The following GRAMD1B variants were observed in gnomAD, a reference collection of about 807,000 sequenced individuals.
The protein encoded by GRAMD1B is GRAM domain containing 1B.
A neutral mutation model predicts 99.7 loss-of-function variants in GRAMD1B; 37 were observed. The observed-to-expected ratio is 0.37, with a 90% confidence interval of 0.29 to 0.49. The LOEUF is 0.49. GRAMD1B is among the 20% of genes least tolerant of loss of function. The pLI, the probability that GRAMD1B is intolerant of heterozygous loss-of-function variation, is 0.98. For missense variants in GRAMD1B, 888 were observed against 1,009.2 expected, an observed-to-expected ratio of 0.88 and a Z score of 1.63; for synonymous variants, 427 against 387.6, an observed-to-expected ratio of 1.10 and a Z score of -1.19.
At chr11:123,562,625 G>A (rs778817029) in intron 2 of GRAMD1B, among the ~76,000 whole-genome samples, 4 of 152,132 alleles carry the variant, frequency 2.6e-5, no homozygotes, top group Admixed American at 6.5e-5. Context: ...CTATTCTTGC[G>A]TCCAGATAAC....
intron 1 of GRAMD1B, among the ~76,000 whole-genome samples, chr11:123,468,133 A>T (rs1950798892): frequency 6.6e-6 from 1 of 152,082 alleles, no homozygotes; most frequent in South Asian, 2.1e-4. Flanking sequence ...AAGTGCTGGG[A>T]TTACAGGTGT....
At position 123,619,486 on chromosome 11, in the gene GRAMD1B, G is replaced by A. The variant is rs1954856077; in HGVS notation, c.2544+262G>A. Reference sequence around the variant, plus strand: ...GAAAGCTGTAGTTTAGGTGGAAGGAGAACTCTTTTTATTTTTATTTTTGGT... The same window carrying A: ...GAAAGCTGTAGTTTAGGTGGAAGGAAAACTCTTTTTATTTTTATTTTTGGT... On this transcript the variant is annotated intron_variant, in intron 19 of 19. Coordinates refer to ENST00000635736, the MANE Select transcript of GRAMD1B (RefSeq NM_001387025.1). 6.4e-6 allele frequency: 8 copies of A among 1,257,982 alleles called. No homozygotes were observed. In the South Asian group the frequency reaches 1.1e-4, roughly 17 times the overall value. 77.9% of individuals were successfully genotyped at this position (1,257,982 alleles called of 1,614,324 possible). A position where few individuals can be genotyped will look rare whatever the true frequency, so the allele number is the denominator to read the frequency against.
At chr11:123,553,877 T>C (rs1945880560) in intron 2 of GRAMD1B, among the ~76,000 whole-genome samples, 2 of 152,226 alleles carry the variant, frequency 1.3e-5, no homozygotes, top group African/African-American at 4.8e-5. Context: ...AACTCGTTTA[T>C]AATTCAAGGA....
intron 15 of GRAMD1B, 172 bp downstream of exon 15, chr11:123,613,036 T>G: frequency 1.7e-6 from 1 of 597,602 alleles, no homozygotes; most frequent in Non-Finnish European, 3.0e-6. Flanking sequence ...TTGGCATGTA[T>G]GTGGACAAGT....
intron 17 of GRAMD1B, among the ~76,000 whole-genome samples, chr11:123,617,764 G>A (rs1300401579): frequency 1.3e-5 from 2 of 152,158 alleles, no homozygotes; most frequent in Admixed American, 6.6e-5. Context: ...CCATGATGAT[G>A]TCTTCATCTC....
At chr11:123,477,627 C>A (rs184489607) in intron 1 of GRAMD1B, among the ~76,000 whole-genome samples, 1 of 131,666 alleles carries the variant, frequency 7.6e-6, no homozygotes, top group African/African-American at 2.8e-5. Context: ...CCCTCTCTCT[C>A]CCCTCCCCTC....
At chr11:123,611,941 G>A (rs1291416402) in intron 14 of GRAMD1B, among the ~76,000 whole-genome samples, 1 of 152,196 alleles carries the variant, frequency 6.6e-6, no homozygotes, top group African/African-American at 2.4e-5. Flanking sequence ...CAGGGCTGCT[G>A]CATAGGAGAG....
intron 1 of GRAMD1B, among the ~76,000 whole-genome samples, chr11:123,437,931 G>A (rs1949237868): frequency 6.6e-6 from 1 of 152,192 alleles, no homozygotes; most frequent in Admixed American, 6.5e-5. Context: ...TCCGCTCTGT[G>A]TGTGCCCTGC....
Position 123,618,721 on chromosome 11 carries a change from A to G in GRAMD1B, c.2347A>G (p.Met783Val). The change falls in exon 18 of 20, where the codon ATG becomes GTG. Residue 783 changes from methionine to valine, a missense_variant. Around this residue, in one of 5 missense-constraint regions of GRAMD1B, gnomAD observed 232 missense variants for 261.7 expected, o/e 0.89. Coordinates refer to ENST00000635736, the MANE Select transcript of GRAMD1B (RefSeq NM_001387025.1). ...VLVLLVILNM[M>V]LFYKLWMLEY... ...GGTGCTGCTGGTCATCCTTAACATG[A>G]TGCTCTTCTACAAACTCTGGATGTT... 1 of 1,585,280 alleles carries G rather than the reference A, an allele frequency of 6.3e-7. No homozygotes were observed.
At chr11:123,584,268 C>T (rs762229333) in intron 3 of GRAMD1B, 44 bp from the exon 4 acceptor site, 1 of 895,276 alleles carries the variant, frequency 1.1e-6, no homozygotes, top group Non-Finnish European at 1.6e-6. Context: ...CCCCCCATTT[C>T]TTCCCTGACT....
intron 2 of GRAMD1B, among the ~76,000 whole-genome samples, chr11:123,484,049 T>A (rs548074455): frequency 3.8e-4 from 58 of 152,254 alleles, no homozygotes; most frequent in African/African-American, 1.4e-3. Context: ...TGGAGTACCC[T>A]CCACTCTCTG....
chr11:123,505,830 C>G (rs954023885), intron 2 of GRAMD1B, among the ~76,000 whole-genome samples: 2 of 152,168 alleles, frequency 1.3e-5, no homozygotes, highest in African/African-American at 4.8e-5. Context: ...TTCACTCTCT[C>G]TCTCTTTCTT....
Position 123,375,216 on chromosome 11 carries a change from C to T in GRAMD1B, c.-176+16417C>T, listed in dbSNP as rs117889568. 1.5e-3 allele frequency among the ~76,000 whole-genome samples: 225 copies of T among 152,258 alleles called. 3 individuals carry two copies. Among genetic ancestry groups the T allele is most frequent in the Non-Finnish European group, 2.3e-3 (157 of 68,018 alleles). On this transcript the variant is annotated intron_variant, in intron 1 of 20. Coordinates refer to the GRAMD1B transcript ENST00000638157. Reference sequence around the variant, plus strand: ...TGGTTTGCAGATCTGGGGTTCAAATCTAGGTCTGATTTCAGAGCCCGAGCT... The same window carrying T: ...TGGTTTGCAGATCTGGGGTTCAAATTTAGGTCTGATTTCAGAGCCCGAGCT...
intron 2 of GRAMD1B, among the ~76,000 whole-genome samples, chr11:123,500,386 G>A (rs1939730477): frequency 6.6e-6 from 1 of 152,116 alleles, no homozygotes; most frequent in Admixed American, 6.5e-5. Context: ...AGACTCAAGA[G>A]GTCCAGTGCG....
intron 2 of GRAMD1B, among the ~76,000 whole-genome samples, chr11:123,529,548 G>A (rs530763876): frequency 6.6e-6 from 1 of 152,320 alleles, no homozygotes; most frequent in African/African-American, 2.4e-5. Context: ...AACTTGGTGA[G>A]CAAGGTAAGG....
At chr11:123,560,086 G>A (rs1335608190) in intron 2 of GRAMD1B, among the ~76,000 whole-genome samples, 2 of 142,184 alleles carry the variant, frequency 1.4e-5, no homozygotes, top group Non-Finnish European at 3.1e-5. Context: ...CGCAGCCCCA[G>A]CGGCTCTGTC....
chr11:123,599,541 T>TGG (rs1951695826), intron 7 of GRAMD1B: 8 of 498,452 alleles, frequency 1.6e-5, no homozygotes, highest in South Asian at 1.4e-4. Flanking sequence ...AGCACTATCT[T>TGG]GGCTCACTAC....
At chr11:123,391,825 A>G (rs1947292407) in intron 1 of GRAMD1B, among the ~76,000 whole-genome samples, 1 of 152,354 alleles carries the variant, frequency 6.6e-6, no homozygotes, top group East Asian at 1.9e-4. Context: ...GCACTATGCC[A>G]TGTGGATACA....
upstream of GRAMD1B, among the ~76,000 whole-genome samples, chr11:123,426,203 G>A (rs1468688839): frequency 6.6e-6 from 1 of 152,150 alleles, no homozygotes; most frequent in African/African-American, 2.4e-5. Context: ...AGTAGGGTGG[G>A]CTGGGCCTTT....
Sources: allele counts gnomAD v4.1 joint callset (sites outside exome capture counted in the v4.1 genomes callset), GRCh38; gene constraint gnomAD v4.1.1; regional missense constraint gnomAD v4.1.1; transcripts MANE v1.5; gene names NCBI Gene and HGNC (gene_info 2026-07-23, HGNC 2026-07-21).